The following PRKCE variants were observed in gnomAD, a reference collection of about 807,000 sequenced individuals.
PRKCE encodes protein kinase C epsilon type.
PRKCE carries 16 observed loss-of-function variants against 85.4 expected under a neutral mutation model. The ratio of observed to expected loss-of-function variants is 0.19; its 90% CI spans 0.13 to 0.28. The LOEUF is 0.28. PRKCE is among the 10% of genes least tolerant of loss of function. The pLI is 1.00. For missense variants in PRKCE, 573 were observed against 975.2 expected (o/e 0.59, Z 5.49); for synonymous variants, 388 against 371.5 (o/e 1.04, Z -0.51).
At chr2:46,010,262 T>C (rs1705551880) in intron 9 of PRKCE, 82 bp from the exon 10 acceptor site, 1 of 1,384,340 alleles carries the variant, frequency 7.2e-7, no homozygotes, top group South Asian at 1.7e-5. Context: ...GAATTCGTTT[T>C]TGAAGTATTT....
chr2:45,861,794 T>C (rs1693181035), intron 2 of PRKCE, among the ~76,000 whole-genome samples: 1 of 152,162 alleles, frequency 6.6e-6, no homozygotes, highest in African/African-American at 2.4e-5. Context: ...GCAAGGTAAA[T>C]GTTTACAGCT....
intron 1 of PRKCE, among the ~76,000 whole-genome samples, chr2:45,673,146 C>T (rs1218329294): frequency 6.6e-6 from 1 of 152,178 alleles, no homozygotes; most frequent in Non-Finnish European, 1.5e-5. Context: ...TTTCTGAACT[C>T]TCTGGAGTGT....
intron 9 of PRKCE, among the ~76,000 whole-genome samples, chr2:46,009,097 A>G (rs1250253315): frequency 1.3e-5 from 2 of 152,228 alleles, no homozygotes; most frequent in East Asian, 3.8e-4. Flanking sequence ...AAATGAGTGC[A>G]AAAATATCAA....
chr2:45,878,866 G>A (rs905931114), intron 2 of PRKCE, among the ~76,000 whole-genome samples: 2 of 152,090 alleles, frequency 1.3e-5, no homozygotes, highest in African/African-American at 4.8e-5. Context: ...CAATTGAAAA[G>A]CAAAGTTTGC....
chr2:45,978,340 T>C (rs1163997971), intron 3 of PRKCE: 1 of 152,280 alleles, frequency 6.6e-6, no homozygotes, highest in African/African-American at 2.4e-5. Flanking sequence ...CATCTGTAGT[T>C]AGTACACTAA....
chr2:45,746,602 T>C (rs746769928), intron 1 of PRKCE, among the ~76,000 whole-genome samples: 7 of 152,228 alleles, frequency 4.6e-5, no homozygotes, highest in African/African-American at 7.2e-5. Flanking sequence ...GTGCTACTTA[T>C]TCTTTGATGG....
At chr2:45,863,830 A>T (rs1693365063) in intron 2 of PRKCE, among the ~76,000 whole-genome samples, 1 of 151,980 alleles carries the variant, frequency 6.6e-6, no homozygotes, top group Admixed American at 6.6e-5. Flanking sequence ...CAGGGTGGGA[A>T]GGGCTAAGCT....
intron 11 of PRKCE, among the ~76,000 whole-genome samples, chr2:46,103,968 G>A (rs1005368411): frequency 1.3e-5 from 2 of 152,122 alleles, no homozygotes; most frequent in African/African-American, 4.8e-5. Context: ...ATTTCTGTCT[G>A]CCTCTTTTGC....
At chr2:45,912,506 G>T (rs533037892) in intron 2 of PRKCE, among the ~76,000 whole-genome samples, 2 of 152,270 alleles carry the variant, frequency 1.3e-5, no homozygotes, top group South Asian at 2.1e-4. Flanking sequence ...ACACTGCAGG[G>T]CCTTGATTGG....
chr2:46,025,063 G>A (rs1037557598), intron 10 of PRKCE, among the ~76,000 whole-genome samples: 18 of 151,542 alleles, frequency 1.2e-4, no homozygotes, highest in Non-Finnish European at 1.0e-4. Context: ...AAGAAAGCTC[G>A]AAAATTTGAC....
At position 46,183,558 on chromosome 2, in the gene PRKCE, GA is replaced by G. The variant is rs530848192; in HGVS notation, c.2068-1176del. ...GGGCATTGTGCTCTGTGCTGTGGGG[GA>G]GAGGGGACCTGCTATTGAAGGCCTC... On this transcript the variant is annotated intron_variant, in intron 14 of 14. Transcript: ENST00000306156. Among the ~76,000 whole-genome samples the G allele has an allele frequency of 1.2e-4, 18 of 152,310 alleles. No individual in the cohort carries two copies. In the South Asian group the frequency reaches 2.9e-3, roughly 25 times the overall value.
At chr2:45,665,984 T>C (rs1256545247) in intron 1 of PRKCE, among the ~76,000 whole-genome samples, 1 of 152,138 alleles carries the variant, frequency 6.6e-6, no homozygotes, top group Non-Finnish European at 1.5e-5. Flanking sequence ...GAGGGACCCC[T>C]TTCTAGGGCT....
chr2:46,104,475 T>C (rs988288957), intron 11 of PRKCE, among the ~76,000 whole-genome samples: 1 of 152,090 alleles, frequency 6.6e-6, no homozygotes. Flanking sequence ...TCTTCAGTGA[T>C]GTAACCCTTC....
rs768767 is a variant in PRKCE, at chr2:45,901,943, T to C, written c.412+58880T>C. ...ATTTTGCAATAACTTTTTATAAGAG[T>C]ACATGGCCATCTTTGCCTTAGGATA... On this transcript the variant is annotated intron_variant, in intron 2 of 14. Transcript: ENST00000306156. Among the ~76,000 whole-genome samples, 11 of 152,260 alleles carry C rather than the reference T, an allele frequency of 7.2e-5. No homozygotes were observed. In the South Asian group the frequency reaches 1.9e-3, roughly 26 times the overall value.
intron 10 of PRKCE, among the ~76,000 whole-genome samples, chr2:46,020,972 A>ACAGACT (rs1005043659): frequency 6.6e-6 from 1 of 152,220 alleles, no homozygotes; most frequent in African/African-American, 2.4e-5. Context: ...AGCTAAGGAA[A>ACAGACT]CAGACTCAGG....
At chr2:45,768,548 G>C (rs773843800) in intron 1 of PRKCE, among the ~76,000 whole-genome samples, 6 of 152,188 alleles carry the variant, frequency 3.9e-5, no homozygotes, top group Non-Finnish European at 7.4e-5. Flanking sequence ...TCGATGGGTA[G>C]GGGAGAGTTA....
chr2:46,015,691 C>CAAAAAAAAAAAAAAAAAAAAAACA (rs1706074340), intron 10 of PRKCE, among the ~76,000 whole-genome samples: 3 of 80,782 alleles, frequency 3.7e-5, no homozygotes, highest in Non-Finnish European at 4.9e-5. Flanking sequence ...AACACTAAAC[C>CAAAAAAAAAAAAAAAAAAAAAACA]AAAAAAAAAA....
chr2:45,736,954 C>T (rs938660), intron 1 of PRKCE, among the ~76,000 whole-genome samples: 84,460 of 151,990 alleles, frequency 0.56, 25,030 homozygotes, highest in African/African-American at 0.78. Context: ...ATGGGAATGA[C>T]TGGGGGAATG....
intron 1 of PRKCE, among the ~76,000 whole-genome samples, chr2:45,716,362 C>G (rs915714453): frequency 6.6e-5 from 10 of 151,952 alleles, no homozygotes; most frequent in African/African-American, 2.4e-4. Flanking sequence ...ACCAAAAATA[C>G]AAAAATTAGC....
Sources: gnomAD v4.1 joint callset for allele counts (sites outside exome capture counted in the v4.1 genomes callset) on GRCh38, gnomAD v4.1.1 for gene constraint, MANE v1.5 for transcripts, NCBI Gene and HGNC (gene_info 2026-07-23, HGNC 2026-07-21) for gene names.